The following TMEM17 variants were observed in gnomAD, a reference collection of about 807,000 sequenced individuals.
The protein encoded by TMEM17 is transmembrane protein 17.
In TMEM17, 15 loss-of-function variants were observed where a neutral mutation model predicts 19.1. That is an observed-to-expected ratio of 0.78 (90% CI 0.52 to 1.21). The LOEUF (loss-of-function observed/expected upper bound fraction) is 1.21, where lower values mean the gene tolerates loss of function less well. Among genes scored for constraint, TMEM17 ranks in the 50% most tolerant of loss-of-function variants. The probability of loss-of-function intolerance (pLI) is 0.00; values close to 1 mark genes in which losing one functional copy is unlikely to be tolerated. For missense variants in TMEM17, 245 were observed against 242.3 expected (o/e 1.01, Z -0.07); for synonymous variants, 103 against 86.9 (o/e 1.19, Z -1.03).
At chr2:62,476,751 T>C in the TMEM17 span, among the ~76,000 whole-genome samples, 8 of 152,222 alleles carry the variant, frequency 5.3e-5, no homozygotes, top group Non-Finnish European at 1.2e-4. Context: ...TTAGAAATTG[T>C]TGGATGCTTT....
the TMEM17 span, among the ~76,000 whole-genome samples, chr2:62,483,375 T>G: frequency 6.6e-6 from 1 of 152,318 alleles, no homozygotes; most frequent in South Asian, 2.1e-4. Flanking sequence ...AGGCTTTGTT[T>G]TGGGATTACA....
chr2:62,482,587 A>G, the TMEM17 span, among the ~76,000 whole-genome samples: 3 of 152,230 alleles, frequency 2.0e-5, no homozygotes, highest in Non-Finnish European at 4.4e-5. Context: ...TCTGTTGGTC[A>G]CAATGAATGG....
the TMEM17 span, among the ~76,000 whole-genome samples, chr2:62,481,188 G>T: frequency 6.6e-6 from 1 of 151,828 alleles, no homozygotes; most frequent in Middle Eastern, 3.4e-3. Context: ...TTTTGTTGTT[G>T]TTTTTTGTTT....
chr2:62,488,741 A>G, the TMEM17 span, among the ~76,000 whole-genome samples: 1 of 151,920 alleles, frequency 6.6e-6, no homozygotes, highest in Admixed American at 6.6e-5. Context: ...TGGATTTAAA[A>G]GGTTTACACT....
At chr2:62,483,208 A>G in the TMEM17 span, among the ~76,000 whole-genome samples, 10 of 152,328 alleles carry the variant, frequency 6.6e-5, no homozygotes, top group Non-Finnish European at 1.3e-4. Context: ...TAGTCAACAC[A>G]TCTGGGCTTA....
At chr2:62,496,618 A>G (rs532274038), downstream of TMEM17, among the ~76,000 whole-genome samples, 1 of 152,254 alleles carries the variant, frequency 6.6e-6, no homozygotes, top group Non-Finnish European at 1.5e-5. Flanking sequence ...CATCAAAGAA[A>G]CATGACATTT....
At chr2:62,479,608 G>A in the TMEM17 span, among the ~76,000 whole-genome samples, 3 of 152,114 alleles carry the variant, frequency 2.0e-5, no homozygotes, top group Admixed American at 6.6e-5. Context: ...TAGTGGGGCC[G>A]GGCACAGTGG....
chr2:62,499,322 C>G (rs1401633852), downstream of TMEM17, among the ~76,000 whole-genome samples: 1 of 151,656 alleles, frequency 6.6e-6, no homozygotes, highest in Non-Finnish European at 1.5e-5. Context: ...TCTCCATCAT[C>G]CCCTAATTTA....
the TMEM17 span, among the ~76,000 whole-genome samples, chr2:62,481,690 C>A: frequency 8.0e-6 from 1 of 124,650 alleles, no homozygotes; most frequent in African/African-American, 3.1e-5. Flanking sequence ...AAAACAGAAC[C>A]CCTTAAAGGT....
In TMEM17 at chr2:62,502,704, A is replaced by G. The variant is rs751101151; in HGVS notation, c.191T>C (p.Met64Thr). 2 of 1,601,734 alleles carry G rather than the reference A, an allele frequency of 1.2e-6. No individual in the cohort carries two copies. ...GCTTAGATTTACCTTCATGTGAAGC[A>G]TCATAATGCTGCTCACCCACCACAG... ...FPLWWVSSIMMLHMKYSILPD... is the reference protein window; with the variant it reads ...FPLWWVSSIMTLHMKYSILPD... The change falls in exon 2 of 4, where the codon ATG becomes ACG. Residue 64 changes from methionine to threonine, a missense_variant. Met to Thr is a moderately conservative substitution (Grantham distance 81). Coordinates refer to ENST00000335390, the MANE Select transcript of TMEM17 (RefSeq NM_198276.3).
chr2:62,491,006 G>A, the TMEM17 span, among the ~76,000 whole-genome samples: 1 of 149,654 alleles, frequency 6.7e-6, no homozygotes, highest in African/African-American at 2.5e-5. Context: ...TTGTACCCAG[G>A]AGGCGGAGGT....
chr2:62,503,830 G>T (rs1679996223), intron 1 of TMEM17, among the ~76,000 whole-genome samples: 1 of 152,196 alleles, frequency 6.6e-6, no homozygotes, highest in African/African-American at 2.4e-5. Flanking sequence ...AAAGTATACT[G>T]TCATAAGGAC....
the TMEM17 span, among the ~76,000 whole-genome samples, chr2:62,475,476 T>C: frequency 6.6e-6 from 1 of 152,224 alleles, no homozygotes; most frequent in African/African-American, 2.4e-5. Flanking sequence ...CCTGGGCTGT[T>C]TTCTAGGCTG....
Position 62,502,499 on chromosome 2 carries a change from GGAT to G in TMEM17, c.253_255del (p.Ile85del), listed in dbSNP as rs1157801875. Reference sequence around the variant, plus strand: ...CGGATGGCTTCAATTAAGGTTATTAGGATGATAACAGTGATCACAATGAATTTG... The same window carrying G: ...CGGATGGCTTCAATTAAGGTTATTAGGATAACAGTGATCACAATGAATTTG... On this transcript the variant is annotated inframe_deletion, in exon 3 of 4. Coordinates refer to ENST00000335390, the MANE Select transcript of TMEM17 (RefSeq NM_198276.3). 6.2e-6 allele frequency: 10 copies of G among 1,612,978 alleles called. No homozygotes were observed. The highest frequency in any genetic ancestry group is 1.6e-4 in the Middle Eastern group (1 of 6,082).
At chr2:62,460,418 C>T in the TMEM17 span, among the ~76,000 whole-genome samples, 4 of 152,120 alleles carry the variant, frequency 2.6e-5, no homozygotes, top group Non-Finnish European at 5.9e-5. Context: ...TTCTTTCTGC[C>T]ACGGTGCTCC....
chr2:62,494,654 T>A, the TMEM17 span, among the ~76,000 whole-genome samples: 2 of 152,168 alleles, frequency 1.3e-5, no homozygotes, highest in African/African-American at 4.8e-5. Context: ...ATAGTGCTAT[T>A]AGAGTTCTGA....
chr2:62,501,346 G>C lies in TMEM17; in HGVS notation c.460C>G (p.Gln154Glu), dbSNP rs1401014478. The stretch of plus-strand genomic sequence containing the variant: ...AAGGTAAGAAATGCTGCAACAACTT[G>C]GAAAGCAAGGAAGAGAGTGAAGATG... ...HIIFTLFLAF[Q>E]VVAAFLTLRK... Residue 154 changes from glutamine (Q) to glutamate (E), a missense_variant, in exon 4 of 4, where the codon CAA (glutamine) becomes GAA (glutamate). Physicochemically the swap from Gln to Glu is conservative, Grantham distance 29. Transcript: ENST00000335390. 1 of 1,614,036 alleles carries C rather than the reference G, an allele frequency of 6.2e-7. No individual in the cohort carries two copies. Among genetic ancestry groups the C allele is most frequent in the Non-Finnish European group, 8.5e-7 (1 of 1,180,036 alleles).
the TMEM17 span, among the ~76,000 whole-genome samples, chr2:62,461,805 T>C: frequency 6.6e-6 from 1 of 152,112 alleles, no homozygotes; most frequent in Non-Finnish European, 1.5e-5. Flanking sequence ...ATCCAGTGAG[T>C]AAACCAGAGC....
chr2:62,459,911 G>A, the TMEM17 span, among the ~76,000 whole-genome samples: 2 of 152,196 alleles, frequency 1.3e-5, no homozygotes, highest in Non-Finnish European at 2.9e-5. Context: ...AGTTGGGACT[G>A]CAGGTGGGCA....
Sources: allele counts gnomAD v4.1 joint callset (sites outside exome capture counted in the v4.1 genomes callset), GRCh38; gene constraint gnomAD v4.1.1; transcripts MANE v1.5; gene names NCBI Gene and HGNC (gene_info 2026-07-23, HGNC 2026-07-21).